Variants in SNX7 observed in about 807,000 individuals in gnomAD.
The protein encoded by SNX7 is sorting nexin-7.
A neutral mutation model predicts 48.4 loss-of-function variants in SNX7; 35 were observed. The observed-to-expected ratio is 0.72, with a 90% CI of 0.55 to 0.96. The LOEUF (loss-of-function observed/expected upper bound fraction) is 0.96. Among genes scored for constraint, SNX7 ranks in the 40% least tolerant of loss-of-function variants. The pLI, the probability that SNX7 is intolerant of heterozygous loss-of-function variation, is 0.00. For missense variants in SNX7, 553 were observed against 548.9 expected (o/e 1.01, Z -0.07); for synonymous variants, 190 against 190.2 (o/e 1.00, Z 0.01).
At position 98,698,763 on chromosome 1, in the gene SNX7, A is replaced by G; in HGVS notation, c.896A>G (p.Glu299Gly). ...GPIHILWSAS[E>G]EDLVDTLKDV... ...ATTCATATTCTGTGGTCAGCGTCAGAAGAGGATCTGGTTGATACTCTAAAG... is the reference window on the plus strand; with the variant it reads ...ATTCATATTCTGTGGTCAGCGTCAGGAGAGGATCTGGTTGATACTCTAAAG... Residue 299 changes from glutamate to glycine, a missense_variant, in exon 6 of 9, where the codon GAA (glutamate) becomes GGA (glycine). Transcript: ENST00000306121. The G allele has an allele frequency of 6.2e-7, 1 of 1,613,750 alleles. No homozygotes were observed. Among genetic ancestry groups the G allele is most frequent in the Non-Finnish European group, 8.5e-7 (1 of 1,179,778 alleles).
chr1:98,682,771 C>T (rs1426550460), intron 1 of SNX7, among the ~76,000 whole-genome samples: 1 of 152,176 alleles, frequency 6.6e-6, no homozygotes, highest in Non-Finnish European at 1.5e-5. Flanking sequence ...ACCTACCCAA[C>T]CAGTGTCCTG....
intron 5 of SNX7, among the ~76,000 whole-genome samples, 183 bp from the exon 6 acceptor site, chr1:98,698,523 C>A (rs1651575857): frequency 6.6e-6 from 1 of 152,118 alleles, no homozygotes; most frequent in South Asian, 2.1e-4. Context: ...CATTCAAAGA[C>A]TGACCTGGGG....
intron 7 of SNX7, among the ~76,000 whole-genome samples, chr1:98,703,727 G>T (rs554600425): frequency 7.2e-5 from 11 of 151,812 alleles, no homozygotes; most frequent in African/African-American, 2.4e-4. Flanking sequence ...ACTATATATA[G>T]AGAGAGAGTT....
rs1335517318 is a variant in SNX7 at position 98,691,816 on chromosome 1, G to C, written c.639+117G>C. On this transcript the variant is annotated intron_variant, in intron 4 of 8. Coordinates refer to ENST00000306121, the MANE Select transcript of SNX7 (RefSeq NM_015976.5). ...GCAGTGGTGTACTTGAATTGAGATGGAATTTTTCAGAAACACTGGAGAGTT... is the reference window on the plus strand; with the variant it reads ...GCAGTGGTGTACTTGAATTGAGATGCAATTTTTCAGAAACACTGGAGAGTT... 4 of 763,408 alleles carry C rather than the reference G, an allele frequency of 5.2e-6. No homozygotes were observed. In the South Asian group the frequency reaches 1.2e-4, roughly 23 times the overall value. 47.3% of individuals were successfully genotyped at this position (763,408 alleles called of 1,614,324 possible).
At chr1:98,755,770 A>G (rs944891323) in intron 8 of SNX7, among the ~76,000 whole-genome samples, 3 of 151,806 alleles carry the variant, frequency 2.0e-5, no homozygotes, top group African/African-American at 7.3e-5. Flanking sequence ...GCCCATATAT[A>G]TATTTTTTAA....
intron 7 of SNX7, among the ~76,000 whole-genome samples, chr1:98,725,054 T>G (rs980072038): frequency 6.6e-6 from 1 of 152,178 alleles, no homozygotes; most frequent in Non-Finnish European, 1.5e-5. Context: ...TTCTATGGTA[T>G]AGGAAAGTTG....
intron 7 of SNX7, among the ~76,000 whole-genome samples, chr1:98,723,324 G>T (rs1652984650): frequency 7.2e-6 from 1 of 139,364 alleles, no homozygotes; most frequent in African/African-American, 2.6e-5. Flanking sequence ...AACTCCTTCA[G>T]TATCTCTCAA....
intron 7 of SNX7, among the ~76,000 whole-genome samples, chr1:98,711,998 A>G (rs1652337049): frequency 1.3e-5 from 2 of 152,178 alleles, no homozygotes; most frequent in Non-Finnish European, 2.9e-5. Flanking sequence ...GCTCATCCAT[A>G]AGAAGCAACG....
At chr1:98,751,097 C>G (rs1448588066) in intron 8 of SNX7, among the ~76,000 whole-genome samples, 1 of 152,054 alleles carries the variant, frequency 6.6e-6, no homozygotes, top group Non-Finnish European at 1.5e-5. Context: ...TGAAGTCACA[C>G]TGTAGGACAG....
chr1:98,669,255 T>C (rs971401956), intron 1 of SNX7, among the ~76,000 whole-genome samples: 1 of 152,172 alleles, frequency 6.6e-6, no homozygotes, highest in African/African-American at 2.4e-5. Flanking sequence ...TCCCCATCAT[T>C]TTTACCTTTT....
At chr1:98,683,913 A>G (rs983830337) in intron 1 of SNX7, among the ~76,000 whole-genome samples, 6 of 152,170 alleles carry the variant, frequency 3.9e-5, no homozygotes, top group Admixed American at 3.3e-4. Flanking sequence ...CAGACCTTTC[A>G]GAAAGTAGAC....
chr1:98,670,660 G>A (rs570953994), intron 1 of SNX7, among the ~76,000 whole-genome samples: 3 of 152,116 alleles, frequency 2.0e-5, no homozygotes, highest in Admixed American at 6.5e-5. Context: ...ATGAAGTAGG[G>A]TATATGATCT....
chr1:98,733,816 T>TC (rs1202765782), intron 7 of SNX7, among the ~76,000 whole-genome samples: 1 of 152,034 alleles, frequency 6.6e-6, no homozygotes, highest in East Asian at 1.9e-4. Context: ...TATGGTTGAT[T>TC]CCTTAGTCCC....
chr1:98,691,140 G>A lies in SNX7; in HGVS notation c.429G>A (p.Trp143Ter), dbSNP rs1651097612. The change falls in exon 3 of 9, where the codon TGG (tryptophan) becomes TGA (stop). Residue 143 changes from tryptophan to a stop codon, truncating the protein, a stop_gained. Transcript: ENST00000306121. LOFTEE classifies it high-confidence loss of function. ...GGAGACGATATCAAGATTTCCTTTG[G>A]TTGAAGGGAAAACTGGAAGAAGCAC... The part of the protein sequence containing the change: ...EVRRRYQDFL[W>*]LKGKLEEAHP... 10 of 1,609,854 alleles carry A rather than the reference G, an allele frequency of 6.2e-6. No individual in the cohort carries two copies. The highest frequency in any genetic ancestry group is 8.5e-6 in the Non-Finnish European group (10 of 1,177,654).
intron 8 of SNX7, among the ~76,000 whole-genome samples, chr1:98,749,258 A>G (rs1432915005): frequency 6.6e-6 from 1 of 152,124 alleles, no homozygotes; most frequent in Non-Finnish European, 1.5e-5. Context: ...AATTTTATCT[A>G]GGGCTCCATC....
intron 7 of SNX7, among the ~76,000 whole-genome samples, chr1:98,717,414 C>T (rs976819678): frequency 1.3e-5 from 2 of 152,146 alleles, no homozygotes; most frequent in Non-Finnish European, 2.9e-5. Context: ...TGAAGCAGAA[C>T]TTCAGAAATT....
chr1:98,747,972 T>G (rs1016305806), intron 8 of SNX7, among the ~76,000 whole-genome samples: 4 of 126,094 alleles, frequency 3.2e-5, no homozygotes, highest in African/African-American at 1.1e-4. Flanking sequence ...GTTTTACAGG[T>G]TTTTACTTTT....
At chr1:98,749,366 T>G (rs1177036147) in intron 8 of SNX7, among the ~76,000 whole-genome samples, 1 of 152,124 alleles carries the variant, frequency 6.6e-6, no homozygotes, top group African/African-American at 2.4e-5. Flanking sequence ...TGAGTCCTTT[T>G]GCATTAACTA....
intron 4 of SNX7, among the ~76,000 whole-genome samples, chr1:98,694,631 G>A (rs1651348854): frequency 1.5e-5 from 1 of 67,890 alleles, no homozygotes; most frequent in Non-Finnish European, 2.7e-5. Context: ...TTTTTGAGAT[G>A]GAGTCTCGCT....
Sources: gnomAD v4.1 joint callset for allele counts (sites outside exome capture counted in the v4.1 genomes callset) on GRCh38, gnomAD v4.1.1 for gene constraint, MANE v1.5 for transcripts, NCBI Gene and HGNC (gene_info 2026-07-23, HGNC 2026-07-21) for gene names.